The following METTL25 variants were observed in gnomAD, a reference collection of about 807,000 sequenced individuals.
METTL25 encodes the protein probable methyltransferase-like protein 25.
In METTL25, 64 loss-of-function variants were observed where a neutral mutation model predicts 71.6. That is an observed-to-expected ratio of 0.89 (90% confidence interval 0.73 to 1.10). The LOEUF is 1.10. Among genes scored for constraint, METTL25 ranks in the 50% least tolerant of loss-of-function variants. The pLI, the probability that METTL25 is intolerant of heterozygous loss-of-function variation, is 0.00. For missense variants in METTL25, 807 were observed against 707.0 expected, an observed-to-expected ratio of 1.14 and a Z score of -1.60; for synonymous variants, 287 against 250.3, an observed-to-expected ratio of 1.15 and a Z score of -1.38.
At chr12:82,430,444 GA>G (rs1283632823) in intron 5 of METTL25, among the ~76,000 whole-genome samples, 1 of 151,440 alleles carries the variant, frequency 6.6e-6, no homozygotes, top group Non-Finnish European at 1.5e-5. Context: ...GTGGCTAAAA[GA>G]AAAAATCTGA....
At chr12:82,358,861 G>A (rs781605352) in intron 1 of METTL25, 37 bp downstream of exon 1, 22 of 1,563,906 alleles carry the variant, frequency 1.4e-5, no homozygotes, top group Non-Finnish European at 1.7e-5. Context: ...AAGGGAGGCG[G>A]AGGAGAAGGT....
intron 1 of METTL25, among the ~76,000 whole-genome samples, chr12:82,377,104 ACT>A (rs1224926474): frequency 6.6e-6 from 1 of 151,096 alleles, no homozygotes; most frequent in Non-Finnish European, 1.5e-5. Context: ...CAAGAGCAAG[ACT>A]CTGTCTCAAA....
intron 1 of METTL25, among the ~76,000 whole-genome samples, chr12:82,370,639 T>TA (rs1883118807): frequency 6.6e-6 from 1 of 152,204 alleles, no homozygotes; most frequent in Non-Finnish European, 1.5e-5. Flanking sequence ...AATTATCAAT[T>TA]ATAGTTTTAA....
intron 5 of METTL25, among the ~76,000 whole-genome samples, chr12:82,421,489 A>T (rs1294371654): frequency 6.6e-6 from 1 of 152,190 alleles, no homozygotes; most frequent in Non-Finnish European, 1.5e-5. Context: ...TTAATTTTAC[A>T]TATGTTGATT....
rs182716187 is a variant in METTL25, at chr12:82,362,784, A to G, written c.259+3960A>G. ...AAACAGGAATACAATATAAGAGGCT[A>G]TTAAAATAGTCCAGGGACATTTCAA... On this transcript the variant is annotated intron_variant, in intron 1 of 11. Transcript: ENST00000248306. Among the ~76,000 whole-genome samples, 357 of 152,364 alleles carry G rather than the reference A, an allele frequency of 2.3e-3. 2 individuals carry two copies. The highest frequency in any genetic ancestry group is 8.5e-3 in the South Asian group (41 of 4,830).
chr12:82,403,885 T>C lies in METTL25; in HGVS notation c.1279+755T>C, dbSNP rs539399547. Among the ~76,000 whole-genome samples the C allele has an allele frequency of 1.2e-4, 19 of 152,344 alleles. No homozygotes were observed. In the South Asian group the frequency reaches 1.7e-3, roughly 13 times the overall value. ...TCGTTTTTATGTTAGTTTAATGATATCTTTATCTGTGTCCTTGCTAAGAGT... is the reference window on the plus strand; with the variant it reads ...TCGTTTTTATGTTAGTTTAATGATACCTTTATCTGTGTCCTTGCTAAGAGT... On this transcript the variant is annotated intron_variant, in intron 5 of 11. Transcript: ENST00000248306.
chr12:82,417,399 TAATA>T (rs1378564179), intron 5 of METTL25, among the ~76,000 whole-genome samples: 1 of 152,176 alleles, frequency 6.6e-6, no homozygotes, highest in African/African-American at 2.4e-5. Flanking sequence ...TCAACATAAG[TAATA>T]AATATATTCA....
chr12:82,469,829 C>T (rs1236915205), intron 9 of METTL25, among the ~76,000 whole-genome samples: 1 of 152,128 alleles, frequency 6.6e-6, no homozygotes, highest in Non-Finnish European at 1.5e-5. Context: ...ATACTTTAAA[C>T]TCCAGGATTA....
intron 1 of METTL25, among the ~76,000 whole-genome samples, chr12:82,386,400 C>G (rs1378330149): frequency 6.6e-6 from 1 of 151,746 alleles, no homozygotes; most frequent in African/African-American, 2.4e-5. Flanking sequence ...CATCACTATT[C>G]AGATTTTAAC....
chr12:82,362,644 C>T (rs1022964277), intron 1 of METTL25, among the ~76,000 whole-genome samples: 8 of 152,040 alleles, frequency 5.3e-5, no homozygotes, highest in African/African-American at 1.2e-4. Context: ...GAGTGAAATG[C>T]GAAGCTCTTT....
chr12:82,420,489 T>C (rs946579784), intron 5 of METTL25, among the ~76,000 whole-genome samples: 1 of 152,086 alleles, frequency 6.6e-6, no homozygotes, highest in Admixed American at 6.6e-5. Flanking sequence ...ACATTACATA[T>C]CTGCAGCTTT....
chr12:82,442,868 A>G (rs1313904685), intron 8 of METTL25, among the ~76,000 whole-genome samples: 1 of 152,164 alleles, frequency 6.6e-6, no homozygotes, highest in Admixed American at 6.6e-5. Flanking sequence ...AAAAATCCCA[A>G]TGAAAATTCT....
intron 8 of METTL25, among the ~76,000 whole-genome samples, chr12:82,444,552 G>A (rs1337540724): frequency 6.6e-6 from 1 of 151,864 alleles, no homozygotes; most frequent in African/African-American, 2.4e-5. Context: ...TCATATCCCT[G>A]GTATAAAGGC....
intron 5 of METTL25, among the ~76,000 whole-genome samples, chr12:82,428,382 C>A (rs1490086679): frequency 1.3e-5 from 2 of 151,472 alleles, no homozygotes; most frequent in Non-Finnish European, 2.9e-5. Flanking sequence ...AAATAGCACA[C>A]CCCTGTCTCT....
chr12:82,464,149 C>T (rs1370133390), intron 9 of METTL25, among the ~76,000 whole-genome samples: 1 of 151,756 alleles, frequency 6.6e-6, no homozygotes, highest in Non-Finnish European at 1.5e-5. Flanking sequence ...GCTTTAGTTG[C>T]CGGTGCTTTT....
intron 10 of METTL25, 52 bp downstream of exon 10, chr12:82,476,770 AGGGTCCTATTAAATTTTATTAT>A: frequency 1.7e-6 from 2 of 1,181,466 alleles, no homozygotes; most frequent in East Asian, 4.9e-5. Context: ...AGACTTGAAT[AGGGTCCTATTAAATTTTATTAT>A]GGGCTAAGCA....
At chr12:82,393,142 A>AT (rs972994460) in intron 3 of METTL25, among the ~76,000 whole-genome samples, 14 of 151,480 alleles carry the variant, frequency 9.2e-5, no homozygotes, top group South Asian at 2.1e-4. Flanking sequence ...AAATTTTAGG[A>AT]TTTTTTTTCT....
Position 82,358,532 on chromosome 12 carries a change from T to G in METTL25, c.-34T>G. ...GCCGAGCTGGCGCCTCACGGCCATG[T>G]TTGCGCCACCTACAGCCTCGGAGGG... On this transcript the variant is annotated 5_prime_UTR_variant, in exon 1 of 12. Transcript: ENST00000248306. 1 of 1,602,316 alleles carries G rather than the reference T, an allele frequency of 6.2e-7. No individual in the cohort carries two copies. The highest frequency in any genetic ancestry group is 8.5e-7 in the Non-Finnish European group (1 of 1,176,162).
chr12:82,402,519 A>C (rs1425013359), intron 4 of METTL25, among the ~76,000 whole-genome samples: 1 of 152,104 alleles, frequency 6.6e-6, no homozygotes, highest in Non-Finnish European at 1.5e-5. Flanking sequence ...GAAATCACTG[A>C]AAAAAATTCA....
Sources: gnomAD v4.1 joint callset for allele counts (sites outside exome capture counted in the v4.1 genomes callset) on GRCh38, gnomAD v4.1.1 for gene constraint, MANE v1.5 for transcripts, NCBI Gene and HGNC (gene_info 2026-07-23, HGNC 2026-07-21) for gene names.